CMIP: variants seen among roughly 807,000 people sequenced by gnomAD.
CMIP encodes the protein C-Maf-inducing protein.
In CMIP, 13 loss-of-function variants were observed where a neutral mutation model predicts 97.3. That is an observed-to-expected ratio of 0.13 (90% CI 0.09 to 0.21). The LOEUF (loss-of-function observed/expected upper bound fraction) is 0.21, where lower values mean the gene tolerates loss of function less well. Among genes scored for constraint, CMIP ranks in the 10% least tolerant of loss-of-function variants. The pLI is 1.00. For synonymous variants in CMIP, 538 were observed against 436.3 expected (o/e 1.23, Z -2.91); for missense variants, 847 against 1,024.9 (o/e 0.83, Z 2.37).
chr16:81,598,567 T>C lies in CMIP; in HGVS notation c.301-9000T>C, dbSNP rs576911034. ...AAGATCAAATAAAACACAAGAGGGA[T>C]GTATTTTTCTCCCATGAGATTTTCT... On this transcript the variant is annotated intron_variant, in intron 1 of 20. Transcript: ENST00000537098. Among the ~76,000 whole-genome samples the C allele has an allele frequency of 3.3e-5, 5 of 152,260 alleles. 1 individual carries two copies. Among genetic ancestry groups the C allele is most frequent in the African/African-American group, 1.2e-4 (5 of 41,548 alleles).
chr16:81,635,462 G>T (rs116303720), intron 3 of CMIP, among the ~76,000 whole-genome samples: 1 of 152,150 alleles, frequency 6.6e-6, no homozygotes, highest in South Asian at 2.1e-4. Context: ...TGGGAAAATC[G>T]ATACGAATTG....
chr16:81,539,142 C>T (rs1265217576), intron 1 of CMIP, among the ~76,000 whole-genome samples: 10 of 152,284 alleles, frequency 6.6e-5, no homozygotes, highest in African/African-American at 1.2e-4. Flanking sequence ...CCTTTTGTGA[C>T]GCAGAATCTT....
At chr16:81,535,275 C>A (rs978064467) in intron 1 of CMIP, among the ~76,000 whole-genome samples, 13 of 152,108 alleles carry the variant, frequency 8.5e-5, no homozygotes, top group African/African-American at 3.1e-4. Context: ...TGAGCCCTCT[C>A]CTTTTAAAGA....
At chr16:81,693,085 G>A in intron 11 of CMIP, 73 bp from the exon 12 acceptor site, 1 of 1,124,198 alleles carries the variant, frequency 8.9e-7, no homozygotes. Flanking sequence ...GTCCCCAGAG[G>A]TTAATCTTGG....
intron 3 of CMIP, among the ~76,000 whole-genome samples, chr16:81,639,073 C>T (rs968671293): frequency 1.3e-5 from 2 of 152,152 alleles, no homozygotes; most frequent in African/African-American, 2.4e-5. Flanking sequence ...TCAGTCCCTT[C>T]AAGGACCGGA....
At chr16:81,575,927 GT>G in intron 1 of CMIP, among the ~76,000 whole-genome samples, 1 of 152,206 alleles carries the variant, frequency 6.6e-6, no homozygotes, top group East Asian at 1.9e-4. Flanking sequence ...TGGCTAAACT[GT>G]AAGACTTTTC....
intron 1 of CMIP, among the ~76,000 whole-genome samples, chr16:81,563,193 A>T (rs370976532): frequency 6.6e-6 from 1 of 152,246 alleles, no homozygotes; most frequent in Non-Finnish European, 1.5e-5. Flanking sequence ...GGCGAGCCAC[A>T]ACCTGGCTGG....
intron 1 of CMIP, among the ~76,000 whole-genome samples, chr16:81,478,493 G>T (rs1268492485): frequency 6.6e-6 from 1 of 152,188 alleles, no homozygotes; most frequent in African/African-American, 2.4e-5. Flanking sequence ...CAGTCAGGGA[G>T]GCCACCGAGT....
chr16:81,472,055 C>T (rs970333136), intron 1 of CMIP, among the ~76,000 whole-genome samples: 2 of 152,212 alleles, frequency 1.3e-5, no homozygotes, highest in East Asian at 1.9e-4. Flanking sequence ...TGCATATGCA[C>T]TCAATGTATA....
At chr16:81,512,005 AT>A (rs1472896235) in intron 1 of CMIP, among the ~76,000 whole-genome samples, 4 of 152,242 alleles carry the variant, frequency 2.6e-5, no homozygotes, top group Non-Finnish European at 4.4e-5. Flanking sequence ...ATGAAAAAAA[AT>A]ATACAGTATC....
chr16:81,579,410 C>G (rs1298201207), intron 1 of CMIP, among the ~76,000 whole-genome samples: 1 of 152,208 alleles, frequency 6.6e-6, no homozygotes, highest in African/African-American at 2.4e-5. Flanking sequence ...AAACAGCCCT[C>G]CAGACCTCGG....
chr16:81,610,448 C>A (rs112632168), intron 2 of CMIP: 51 of 985,924 alleles, frequency 5.2e-5, no homozygotes, highest in Non-Finnish European at 5.9e-5. Flanking sequence ...GAGGAGGAGG[C>A]GGCTTGCAAC....
At chr16:81,544,856 G>C (rs916939784) in intron 1 of CMIP, among the ~76,000 whole-genome samples, 2 of 152,082 alleles carry the variant, frequency 1.3e-5, no homozygotes, top group African/African-American at 2.4e-5. Flanking sequence ...CTCTGCTTCC[G>C]GTTTCTGGGG....
chr16:81,595,718 G>A (rs954520261), intron 1 of CMIP, among the ~76,000 whole-genome samples: 1 of 152,040 alleles, frequency 6.6e-6, no homozygotes, highest in Admixed American at 6.6e-5. Flanking sequence ...TCATCCATGT[G>A]GTAATGTCTT....
intron 10 of CMIP, among the ~76,000 whole-genome samples, chr16:81,687,492 G>A (rs1328815577): frequency 1.3e-5 from 2 of 152,232 alleles, no homozygotes; most frequent in Non-Finnish European, 2.9e-5. Context: ...CCGGAACCCA[G>A]GTGGGGGAAC....
intron 1 of CMIP, among the ~76,000 whole-genome samples, chr16:81,574,444 C>T (rs9934970): frequency 0.066 from 9,986 of 152,304 alleles, 660 homozygotes; most frequent in African/African-American, 0.16. Flanking sequence ...GGGCGAAGCC[C>T]GAGTTCTCAG....
In CMIP at chr16:81,445,512, C is replaced by T; in HGVS notation, c.271C>T (p.Leu91=). Residue 91 remains leucine (L), a synonymous_variant, in exon 1 of 21, where the codon CTG becomes TTG. Transcript: ENST00000537098. Reference sequence around the variant, plus strand: ...GCGCTGGGAGCCGCACCACCTAACGCTGGCCGACAACAGCCTGGCGTCCGC... The same window carrying T: ...GCGCTGGGAGCCGCACCACCTAACGTTGGCCGACAACAGCCTGGCGTCCGC... The part of the protein sequence containing the change: ...LRRWEPHHLT[L]ADNSLASATP... The T allele has an allele frequency of 6.4e-7, 1 of 1,551,450 alleles. No individual in the cohort carries two copies. The highest frequency in any genetic ancestry group is 8.7e-7 in the Non-Finnish European group (1 of 1,147,510).
At chr16:81,694,975 T>G (rs551408904) in intron 13 of CMIP, among the ~76,000 whole-genome samples, 1 of 152,346 alleles carries the variant, frequency 6.6e-6, no homozygotes, top group East Asian at 1.9e-4. Flanking sequence ...GAAGACAGCG[T>G]CTCAGAATTC....
In CMIP at chr16:81,444,825, C is replaced by T. The variant is rs1217580797; in HGVS notation, c.-417C>T. On this transcript the variant is annotated 5_prime_UTR_variant, in exon 1 of 21. Coordinates refer to ENST00000537098, the MANE Select transcript of CMIP (RefSeq NM_198390.3). ...CCGCGGCCACTCTCGCCCGGACGGCCGCGCGGACACACGCTCTGTACACAC... is the reference window on the plus strand; with the variant it reads ...CCGCGGCCACTCTCGCCCGGACGGCTGCGCGGACACACGCTCTGTACACAC... Among the ~76,000 whole-genome samples the T allele has an allele frequency of 1.4e-5, 2 of 145,070 alleles. No homozygotes were observed. The highest frequency in any genetic ancestry group is 1.4e-4 in the Admixed American group (2 of 14,690).
Sources: allele counts gnomAD v4.1 joint callset (sites outside exome capture counted in the v4.1 genomes callset), GRCh38; gene constraint gnomAD v4.1.1; transcripts MANE v1.5; gene names NCBI Gene and HGNC (gene_info 2026-07-23, HGNC 2026-07-21).